The following CIAPIN1 variants were observed in gnomAD, a reference collection of about 807,000 sequenced individuals.
The protein encoded by CIAPIN1 is anamorsin.
In CIAPIN1, 18 loss-of-function variants were observed where a neutral mutation model predicts 34.3. The ratio of observed to expected loss-of-function variants is 0.52; its 90% CI spans 0.36 to 0.78. CIAPIN1 has a LOEUF of 0.78. Ranked by LOEUF, CIAPIN1 falls within the 30% of genes least tolerant of loss-of-function variation. The pLI, the probability that CIAPIN1 is intolerant of heterozygous loss-of-function variation, is 0.00. For missense variants in CIAPIN1, 310 were observed against 372.5 expected (o/e 0.83, Z 1.38); for synonymous variants, 131 against 140.4 (o/e 0.93, Z 0.47).
At chr16:57,435,474 AAAGGGTTGGCATAAAGAATCT>A (rs1903178518) in intron 4 of CIAPIN1, among the ~76,000 whole-genome samples, 1 of 152,094 alleles carries the variant, frequency 6.6e-6, no homozygotes, top group African/African-American at 2.4e-5. Flanking sequence ...GAAAAATAAG[AAAGGGTTGGCATAAAGAATCT>A]AAGGCCTGGC....
chr16:57,430,070 G>C (rs559376091), intron 8 of CIAPIN1, among the ~76,000 whole-genome samples, 188 bp downstream of exon 8: 23 of 152,160 alleles, frequency 1.5e-4, no homozygotes, highest in Admixed American at 2.6e-4. Context: ...TCCCTGACCA[G>C]CACAAGCACG....
rs148757885 is a variant in CIAPIN1, at chr16:57,440,208, T to C, written c.157+564A>G. ...CCCAGGCCTGTTAGGACGAGGAAAT[T>C]CCCACCCAGTAAATTTTAGTCAGAC... is the stretch of plus-strand genomic sequence containing the variant. On this transcript the variant is annotated intron_variant, in intron 2 of 8. Transcript: ENST00000394391. 3.2e-3 allele frequency among the ~76,000 whole-genome samples: 484 copies of C among 152,294 alleles called. 2 individuals carry two copies. The highest frequency in any genetic ancestry group is 0.011 in the African/African-American group (461 of 41,558).
In CIAPIN1 at chr16:57,429,015, G is replaced by GC; in HGVS notation, c.*154dup. ...ACACAGCAGCACTACACACCACTGT[G>GC]CCCCCCAGCCAGCTTCACTCTGTCT... On this transcript the variant is annotated 3_prime_UTR_variant, in exon 9 of 9. Coordinates refer to ENST00000394391, the MANE Select transcript of CIAPIN1 (RefSeq NM_020313.4). 8.0e-6 allele frequency: 5 copies of GC among 621,202 alleles called. No homozygotes were observed. Among genetic ancestry groups the GC allele is most frequent in the Non-Finnish European group, 8.7e-6 (3 of 343,234 alleles). The allele number at this position is 621,202 out of a possible 1,614,324, so 38.5% of individuals were successfully genotyped here. A position where few individuals can be genotyped will look rare whatever the true frequency, so the allele number is the denominator to read the frequency against.
chr16:57,430,693 G>A (rs1022542580), intron 7 of CIAPIN1: 1 of 277,734 alleles, frequency 3.6e-6, no homozygotes, highest in Non-Finnish European at 6.9e-6. Flanking sequence ...GTAAATGCTG[G>A]CAGCTTTTAC....
chr16:57,441,997 C>T (rs1440824270), intron 1 of CIAPIN1, among the ~76,000 whole-genome samples: 1 of 152,176 alleles, frequency 6.6e-6, no homozygotes, highest in African/African-American at 2.4e-5. Flanking sequence ...GCAATCATGC[C>T]ACCACAGATA....
rs1440745130 is a variant in CIAPIN1 at position 57,428,365 on chromosome 16, T to C, written c.*805A>G. The C allele has an allele frequency of 6.6e-6, 1 of 152,178 alleles. No homozygotes were observed. The highest frequency in any genetic ancestry group is 1.5e-5 in the Non-Finnish European group (1 of 68,038). 9.4% of individuals were successfully genotyped at this position (152,178 alleles called of 1,614,324 possible). A position where few individuals can be genotyped will look rare whatever the true frequency, so the allele number is the denominator to read the frequency against. On this transcript the variant is annotated 3_prime_UTR_variant, in exon 9 of 9. Coordinates refer to ENST00000394391, the MANE Select transcript of CIAPIN1 (RefSeq NM_020313.4). ...TTCAGAGTTCTGCCCTGCTTCCCTC[T>C]AAATGCTCACCAACCTGGACTCTTC...
chr16:57,432,311 CA>C (rs111757787), intron 6 of CIAPIN1, among the ~76,000 whole-genome samples, 175 bp downstream of exon 6: 2,420 of 146,502 alleles, frequency 0.017, 72 homozygotes, highest in African/African-American at 0.058. Context: ...AGACTGTCTC[CA>C]AAAAAAAAGC....
chr16:57,428,992 A>AC lies in CIAPIN1; in HGVS notation c.*177dup. Reference sequence around the variant, plus strand: ...CCATAATACCTTGGTCTTTTGATACACAGCAGCACTACACACCACTGTGCC... The same window carrying AC: ...CCATAATACCTTGGTCTTTTGATACACCAGCAGCACTACACACCACTGTGCC... On this transcript the variant is annotated 3_prime_UTR_variant, in exon 9 of 9. Transcript: ENST00000394391. 1.8e-6 allele frequency: 1 copy of AC among 553,944 alleles called. No individual in the cohort carries two copies. 34.3% of individuals were successfully genotyped at this position (553,944 alleles called of 1,614,324 possible). A position where few individuals can be genotyped will look rare whatever the true frequency, so the allele number is the denominator to read the frequency against.
Position 57,437,831 on chromosome 16 carries a change from G to A in CIAPIN1, c.311-1099C>T, listed in dbSNP as rs182176701. The stretch of plus-strand genomic sequence containing the variant: ...GTGAGCCACTGTGCCTGGCCATAGC[G>A]ATACTATTTTAATTTGACAAATCCT... On this transcript the variant is annotated intron_variant, in intron 3 of 8. Coordinates refer to ENST00000394391, the MANE Select transcript of CIAPIN1 (RefSeq NM_020313.4). 6.8e-4 allele frequency among the ~76,000 whole-genome samples: 104 copies of A among 152,194 alleles called. 1 individual carries two copies. The highest frequency in any genetic ancestry group is 2.4e-3 in the African/African-American group (98 of 41,530).
chr16:57,433,907 ATTC>A (rs1436368487), intron 5 of CIAPIN1, 134 bp downstream of exon 5: 9 of 788,434 alleles, frequency 1.1e-5, no homozygotes, highest in Admixed American at 6.3e-5. Context: ...TACATTAAGT[ATTC>A]TTCTTTGTGG....
At chr16:57,436,603 A>C in intron 4 of CIAPIN1, 53 bp downstream of exon 4, 2 of 1,337,832 alleles carry the variant, frequency 1.5e-6, no homozygotes, top group Non-Finnish European at 2.1e-6. Context: ...AGTTCTAAGC[A>C]ATACTGATTA....
intron 3 of CIAPIN1, among the ~76,000 whole-genome samples, chr16:57,438,529 G>C (rs1306887130): frequency 6.6e-6 from 1 of 152,198 alleles, no homozygotes; most frequent in Admixed American, 6.5e-5. Flanking sequence ...AATTGATATT[G>C]ATGGTCCACA....
chr16:57,443,139 T>TG (rs199592660), intron 1 of CIAPIN1, among the ~76,000 whole-genome samples: 1,959 of 150,090 alleles, frequency 0.013, 41 homozygotes, highest in African/African-American at 0.045. Flanking sequence ...TTTTGTTTTT[T>TG]TTTTTTTTTT....
intron 7 of CIAPIN1, 65 bp from the exon 8 acceptor site, chr16:57,430,404 G>A: frequency 5.5e-6 from 8 of 1,458,444 alleles, no homozygotes; most frequent in Non-Finnish European, 7.7e-6. Flanking sequence ...AATCCTAACA[G>A]TGCCAAAATG....
At chr16:57,443,894 T>C in intron 1 of CIAPIN1, among the ~76,000 whole-genome samples, 1 of 151,856 alleles carries the variant, frequency 6.6e-6, no homozygotes, top group South Asian at 2.1e-4. Context: ...CCAGGCAAGA[T>C]GGGAGTATGG....
rs75832322 is a variant in CIAPIN1, at chr16:57,444,939, G to T, written c.-56+2403C>A. Among the ~76,000 whole-genome samples, 536 of 152,238 alleles carry T rather than the reference G, an allele frequency of 3.5e-3. 2 individuals are homozygous for T. The highest frequency in any genetic ancestry group is 0.012 in the African/African-American group (514 of 41,520). On this transcript the variant is annotated intron_variant, in intron 1 of 8. Transcript: ENST00000394391. ...ATTGTCACGTCACTGAGCTTGTTGG[G>T]TACCTCTCCAACTCTGACTGAGGCA...
At chr16:57,436,853 T>C in intron 3 of CIAPIN1, 121 bp from the exon 4 acceptor site, 1 of 599,176 alleles carries the variant, frequency 1.7e-6, no homozygotes, top group Non-Finnish European at 2.8e-6. Flanking sequence ...GCGTGGTGGC[T>C]CATGTCTGTA....
rs1903317904 is a variant in CIAPIN1, at chr16:57,440,912, A to T, written c.17T>A (p.Ile6Asn). 6.2e-7 allele frequency: 1 copy of T among 1,612,922 alleles called. No homozygotes were observed. The highest frequency in any genetic ancestry group is 8.5e-7 in the Non-Finnish European group (1 of 1,179,698). ...CACTGCCACAAACTGGCCAGCAGAG[A>T]TCCCAAAATCTGCCATTCTTGCAGT... MADFG[I>N]SAGQFVAVVW... is the part of the protein sequence containing the mutation. The change falls in exon 2 of 9, where the codon ATC becomes AAC. Residue 6 changes from isoleucine (I) to asparagine (N), a missense_variant. Coordinates refer to ENST00000394391, the MANE Select transcript of CIAPIN1 (RefSeq NM_020313.4).
At chr16:57,445,840 T>G (rs1464066302) in intron 1 of CIAPIN1, among the ~76,000 whole-genome samples, 2 of 121,990 alleles carry the variant, frequency 1.6e-5, no homozygotes, top group East Asian at 2.7e-4. Context: ...AGAGGTTTTT[T>G]TTTTTTTTTT....
Sources: allele counts gnomAD v4.1 joint callset (sites outside exome capture counted in the v4.1 genomes callset), GRCh38; gene constraint gnomAD v4.1.1; transcripts MANE v1.5; gene names NCBI Gene and HGNC (gene_info 2026-07-23, HGNC 2026-07-21).